PRKCB: variants seen among roughly 807,000 people sequenced by gnomAD.
The protein encoded by PRKCB is protein kinase C beta type.
Under a neutral mutation model 81.5 loss-of-function variants are expected in PRKCB, and 13 were observed. That is an observed-to-expected ratio of 0.16 (90% CI 0.10 to 0.25). PRKCB has a LOEUF of 0.25. Among genes scored for constraint, PRKCB ranks in the 10% least tolerant of loss-of-function variants. PRKCB has a pLI of 1.00. For missense variants in PRKCB, 509 were observed against 875.7 expected, an observed-to-expected ratio of 0.58 and a Z score of 5.29; for synonymous variants, 335 against 321.4, an observed-to-expected ratio of 1.04 and a Z score of -0.45.
At chr16:23,880,857 C>G (rs1274693408) in intron 2 of PRKCB, among the ~76,000 whole-genome samples, 2 of 152,166 alleles carry the variant, frequency 1.3e-5, no homozygotes. Context: ...CAAACACACA[C>G]AAATGGGGTC....
chr16:24,170,023 C>A (rs1231327998), intron 10 of PRKCB, among the ~76,000 whole-genome samples: 1 of 152,178 alleles, frequency 6.6e-6, no homozygotes. Context: ...CTCAGGAGAT[C>A]TGCCCGCCTC....
At chr16:23,933,726 TATCC>T (rs1375168113) in intron 2 of PRKCB, among the ~76,000 whole-genome samples, 1 of 136,014 alleles carries the variant, frequency 7.4e-6, no homozygotes, top group African/African-American at 2.8e-5. Flanking sequence ...TCCATCCATC[TATCC>T]ATCCATCCAT....
intron 2 of PRKCB, among the ~76,000 whole-genome samples, chr16:23,910,117 C>T (rs1436066762): frequency 1.3e-5 from 2 of 152,162 alleles, no homozygotes; most frequent in African/African-American, 2.4e-5. Flanking sequence ...GACAGTGTCA[C>T]CTTCCTCTTT....
At chr16:23,888,351 G>T (rs16972950) in intron 2 of PRKCB, among the ~76,000 whole-genome samples, 13,890 of 152,206 alleles carry the variant, frequency 0.091, 695 homozygotes, top group Middle Eastern at 0.19. Context: ...GGGCCTATTG[G>T]CTCCATGAGT....
rs1963493847 is a variant in PRKCB at position 23,902,728 on chromosome 16, T to TCCCTCCCTC, written c.205+65324_205+65325insCTCCCTCCC. Among the ~76,000 whole-genome samples the TCCCTCCCTC allele has an allele frequency of 5.9e-4, 12 of 20,356 alleles. No individual in the cohort carries two copies. The East Asian group carries it at 0.015, about 26-fold the overall frequency. The allele number at this position is 20,356 out of a possible 152,430, so 13.4% of individuals were successfully genotyped here. ...CTCAAAAGTTTTTCCCTCCCTCCCT[T>TCCCTCCCTC]CCTCCCTTCCTTCCTTCCTTCCTTC... On this transcript the variant is annotated intron_variant, in intron 2 of 16. Coordinates refer to ENST00000643927, the MANE Select transcript of PRKCB (RefSeq NM_002738.7).
chr16:23,873,109 A>G (rs766478045), intron 2 of PRKCB, among the ~76,000 whole-genome samples: 1 of 150,242 alleles, frequency 6.7e-6, no homozygotes, highest in East Asian at 1.9e-4. Context: ...GGGTGGATCA[A>G]CTGAGGTCAG....
chr16:24,143,709 G>A (rs1366702946), intron 9 of PRKCB, among the ~76,000 whole-genome samples: 1 of 152,192 alleles, frequency 6.6e-6, no homozygotes, highest in African/African-American at 2.4e-5. Flanking sequence ...AGACTCACTT[G>A]TTTGTTTCAT....
chr16:23,935,426 G>C (rs2141761936), intron 2 of PRKCB, among the ~76,000 whole-genome samples: 1 of 152,248 alleles, frequency 6.6e-6, no homozygotes, highest in South Asian at 2.1e-4. Flanking sequence ...CCATCCCCCA[G>C]CTGCAGCAAA....
intron 3 of PRKCB, among the ~76,000 whole-genome samples, chr16:24,006,399 C>G (rs894253697): frequency 7.2e-5 from 11 of 152,206 alleles, no homozygotes; most frequent in African/African-American, 2.7e-4. Context: ...TACTGACCAA[C>G]TGGTTGCTAC....
chr16:24,215,722 A>G lies in PRKCB; in HGVS notation c.*906A>G, dbSNP rs1968217657. The G allele has an allele frequency of 9.1e-6, 9 of 985,812 alleles. No individual in the cohort carries two copies. In the South Asian group the frequency reaches 4.2e-4, roughly 46 times the overall value. 61.1% of individuals were successfully genotyped at this position (985,812 alleles called of 1,614,324 possible). A position where few individuals can be genotyped will look rare whatever the true frequency, so the allele number is the denominator to read the frequency against. ...AATATGTATTCAAATGTTATTAACC[A>G]CAATGACGACCTGCTTTGATTTAAC... On this transcript the variant is annotated 3_prime_UTR_variant, in exon 17 of 17. Transcript: ENST00000643927.
At chr16:24,196,197 G>A (rs1196012226) in intron 16 of PRKCB, among the ~76,000 whole-genome samples, 2 of 152,198 alleles carry the variant, frequency 1.3e-5, no homozygotes, top group East Asian at 3.8e-4. Context: ...ATAGGGTTTA[G>A]CACATTATAG....
intron 5 of PRKCB, among the ~76,000 whole-genome samples, chr16:24,091,287 A>G (rs1966373932): frequency 6.6e-6 from 1 of 152,206 alleles, no homozygotes; most frequent in East Asian, 1.9e-4. Flanking sequence ...TATATTGAAA[A>G]TAGATTTCCT....
intron 5 of PRKCB, among the ~76,000 whole-genome samples, chr16:24,043,901 G>A (rs1303915236): frequency 1.3e-5 from 2 of 152,068 alleles, no homozygotes; most frequent in African/African-American, 2.4e-5. Context: ...TGACTCTCAC[G>A]TTTTCCTTTA....
chr16:23,981,688 C>CTTT (rs1964709222), intron 2 of PRKCB, among the ~76,000 whole-genome samples: 1 of 122,128 alleles, frequency 8.2e-6, no homozygotes, highest in African/African-American at 3.4e-5. Context: ...CTTCCCCTTC[C>CTTT]CTTCCCCTTC....
chr16:24,188,035 C>T (rs1386059032), intron 15 of PRKCB, among the ~76,000 whole-genome samples: 2 of 152,224 alleles, frequency 1.3e-5, no homozygotes, highest in African/African-American at 4.8e-5. Flanking sequence ...TTCACACGCC[C>T]GCCCTGCCTG....
chr16:23,983,750 C>G (rs1332038621), intron 2 of PRKCB, among the ~76,000 whole-genome samples: 1 of 151,812 alleles, frequency 6.6e-6, no homozygotes, highest in Non-Finnish European at 1.5e-5. Context: ...GAGTCTCGCT[C>G]TGTCTCTTAG....
rs2141997971 is a variant in PRKCB at position 24,218,284 on chromosome 16, G to A, written c.*3468G>A. ...AGAGATGCACAGACAATATTAAAGA[G>A]GAGGCATTCGAGCTTTGTTGTGAAC... On this transcript the variant is annotated 3_prime_UTR_variant, in exon 17 of 17. Transcript: ENST00000643927. The A allele has an allele frequency of 1.0e-6, 1 of 985,342 alleles. No individual in the cohort carries two copies. The highest frequency in any genetic ancestry group is 1.2e-6 in the Non-Finnish European group (1 of 829,940). The allele number at this position is 985,342 out of a possible 1,614,324, so 61.0% of individuals were successfully genotyped here.
intron 16 of PRKCB, among the ~76,000 whole-genome samples, chr16:24,202,467 G>C (rs1355843254): frequency 6.6e-6 from 1 of 151,914 alleles, no homozygotes; most frequent in Admixed American, 6.6e-5. Flanking sequence ...CATATTATTA[G>C]GTGCTCTAAT....
intron 3 of PRKCB, among the ~76,000 whole-genome samples, chr16:24,028,127 C>T (rs1212293281): frequency 1.3e-5 from 2 of 152,174 alleles, no homozygotes. Context: ...CTTGCTCTGT[C>T]GCCCAGGCTG....
Sources: gnomAD v4.1 joint callset for allele counts (sites outside exome capture counted in the v4.1 genomes callset) on GRCh38, gnomAD v4.1.1 for gene constraint, MANE v1.5 for transcripts, NCBI Gene and HGNC (gene_info 2026-07-23, HGNC 2026-07-21) for gene names.